Variants in ROBO1 observed in about 807,000 individuals in gnomAD.
ROBO1 encodes roundabout guidance receptor 1.
ROBO1 carries 149 observed loss-of-function variants against 195.9 expected under a neutral mutation model. That is an observed-to-expected ratio of 0.76 (90% CI 0.67 to 0.87). ROBO1 has a LOEUF of 0.87. ROBO1 is among the 40% of genes least tolerant of loss of function. ROBO1 has a pLI of 0.00. For missense variants in ROBO1, 1,933 were observed against 2,068.3 expected (o/e 0.93, Z 1.27); for synonymous variants, 816 against 733.2 (o/e 1.11, Z -1.82).
At chr3:79,610,344 G>A (rs1467391250) in intron 1 of ROBO1, among the ~76,000 whole-genome samples, 1 of 143,704 alleles carries the variant, frequency 7.0e-6, no homozygotes, top group African/African-American at 2.5e-5. Context: ...AATAATAAGA[G>A]TTAAGTGAAC....
At chr3:79,364,867 G>A (rs1217021307) in intron 2 of ROBO1, among the ~76,000 whole-genome samples, 2 of 152,086 alleles carry the variant, frequency 1.3e-5, no homozygotes, top group African/African-American at 2.4e-5. Flanking sequence ...ATTTTCTGAC[G>A]AATTAACTGA....
chr3:78,927,498 C>T (rs1003050464), intron 4 of ROBO1, among the ~76,000 whole-genome samples: 2 of 152,164 alleles, frequency 1.3e-5, no homozygotes, highest in African/African-American at 2.4e-5. Context: ...ATTGAGATCC[C>T]TTACTCGTGT....
intron 2 of ROBO1, among the ~76,000 whole-genome samples, chr3:79,286,795 GA>G (rs2031913661): frequency 6.6e-6 from 1 of 152,058 alleles, no homozygotes; most frequent in Non-Finnish European, 1.5e-5. Flanking sequence ...TACTTCAACA[GA>G]AAATAGTTAC....
At chr3:79,358,760 A>G (rs183587648) in intron 2 of ROBO1, among the ~76,000 whole-genome samples, 1 of 152,170 alleles carries the variant, frequency 6.6e-6, no homozygotes, top group Admixed American at 6.5e-5. Flanking sequence ...AATTTAATCT[A>G]TAATTTTAAG....
chr3:78,615,961 A>G (rs1229014114), intron 27 of ROBO1, among the ~76,000 whole-genome samples: 2 of 152,208 alleles, frequency 1.3e-5, no homozygotes, highest in Non-Finnish European at 2.9e-5. Context: ...GAAAACCAGA[A>G]GTGCCATTAA....
chr3:79,728,140 C>T (rs889783520), intron 1 of ROBO1, among the ~76,000 whole-genome samples: 2 of 151,872 alleles, frequency 1.3e-5, no homozygotes, highest in Admixed American at 6.6e-5. Flanking sequence ...ATATATCCCC[C>T]CCCCCACAGG....
chr3:79,339,281 G>A (rs541331077), intron 2 of ROBO1, among the ~76,000 whole-genome samples: 1 of 152,080 alleles, frequency 6.6e-6, no homozygotes, highest in Non-Finnish European at 1.5e-5. Context: ...TTTGCTCAAA[G>A]TTTCATTGTA....
intron 2 of ROBO1, among the ~76,000 whole-genome samples, chr3:79,429,560 A>G (rs950363250): frequency 6.6e-6 from 1 of 152,070 alleles, no homozygotes; most frequent in Admixed American, 6.6e-5. Context: ...AAAACAAAAT[A>G]AACAAACAAA....
At chr3:79,569,645 A>ACG (rs1943206354) in intron 2 of ROBO1, among the ~76,000 whole-genome samples, 1 of 142,138 alleles carries the variant, frequency 7.0e-6, no homozygotes. Context: ...ATGTATAGAT[A>ACG]TGTGTGTGTG....
intron 2 of ROBO1, among the ~76,000 whole-genome samples, chr3:79,514,212 G>A (rs749101582): frequency 6.6e-6 from 1 of 152,244 alleles, no homozygotes; most frequent in South Asian, 2.1e-4. Flanking sequence ...TCAACTATTT[G>A]TTTGGAAAGC....
At chr3:79,711,224 T>A (rs1339530966) in intron 1 of ROBO1, among the ~76,000 whole-genome samples, 1 of 152,140 alleles carries the variant, frequency 6.6e-6, no homozygotes, top group Non-Finnish European at 1.5e-5. Flanking sequence ...GTTATAGAAC[T>A]CATTGAACTC....
chr3:79,655,605 A>G (rs907111817), intron 1 of ROBO1, among the ~76,000 whole-genome samples: 1 of 152,114 alleles, frequency 6.6e-6, no homozygotes, highest in Non-Finnish European at 1.5e-5. Context: ...TTCAACAAAA[A>G]CATTCCATGT....
chr3:78,618,997 C>T (rs1196636329), intron 26 of ROBO1, among the ~76,000 whole-genome samples: 1 of 152,024 alleles, frequency 6.6e-6, no homozygotes, highest in Non-Finnish European at 1.5e-5. Context: ...AGGAAGTCAT[C>T]CCCATGGGAG....
At chr3:79,723,593 G>T (rs1490089647) in intron 1 of ROBO1, among the ~76,000 whole-genome samples, 1 of 151,850 alleles carries the variant, frequency 6.6e-6, no homozygotes. Flanking sequence ...AACTCTTTAT[G>T]GATTTTACAC....
chr3:78,823,035 C>T (rs2031166885), intron 4 of ROBO1, among the ~76,000 whole-genome samples: 1 of 152,172 alleles, frequency 6.6e-6, no homozygotes. Context: ...TACTTCATTG[C>T]TTTTCACTAA....
At chr3:79,160,412 T>C (rs2080937487) in intron 2 of ROBO1, among the ~76,000 whole-genome samples, 1 of 152,032 alleles carries the variant, frequency 6.6e-6, no homozygotes, top group Non-Finnish European at 1.5e-5. Context: ...TGGAATCCAA[T>C]GATTATTAGC....
At chr3:79,694,905 A>T (rs1044696254) in intron 1 of ROBO1, among the ~76,000 whole-genome samples, 1 of 151,700 alleles carries the variant, frequency 6.6e-6, no homozygotes, top group Non-Finnish European at 1.5e-5. Context: ...AAAGCATTGT[A>T]TAAACTTTGG....
chr3:78,920,699 AAC>A (rs1292685034), intron 4 of ROBO1, among the ~76,000 whole-genome samples: 1 of 148,498 alleles, frequency 6.7e-6, no homozygotes, highest in Non-Finnish European at 1.5e-5. Flanking sequence ...CAATGACACA[AAC>A]ACAGCTCACT....
At chr3:79,643,344 A>G (rs1945723255) in intron 1 of ROBO1, among the ~76,000 whole-genome samples, 1 of 152,122 alleles carries the variant, frequency 6.6e-6, no homozygotes, top group African/African-American at 2.4e-5. Flanking sequence ...CAGCTTGCAG[A>G]TGGCCTATTG....
Sources: gnomAD v4.1 joint callset for allele counts (sites outside exome capture counted in the v4.1 genomes callset) on GRCh38, gnomAD v4.1.1 for gene constraint, MANE v1.5 for transcripts, NCBI Gene and HGNC (gene_info 2026-07-23, HGNC 2026-07-21) for gene names.